Variants in REDIC1 observed in about 807,000 individuals in gnomAD.
The protein encoded by REDIC1 is regulator of DNA class I crossover intermediates 1, also known as HEI10 Interacting Protein 1.
At chr12:39,658,803 A>G in the REDIC1 span, among the ~76,000 whole-genome samples, 164 of 152,302 alleles carry the variant, frequency 1.1e-3, no homozygotes, top group Admixed American at 5.7e-3. Context: ...AAGTTATAGT[A>G]TCAAGTATAG....
the REDIC1 span, among the ~76,000 whole-genome samples, chr12:39,699,234 TGG>T: frequency 1.3e-5 from 2 of 152,180 alleles, no homozygotes; most frequent in Non-Finnish European, 2.9e-5. Flanking sequence ...CGCAGGTCAG[TGG>T]GTGTGCGCAC....
the REDIC1 span, among the ~76,000 whole-genome samples, chr12:39,626,543 C>G: frequency 6.6e-6 from 1 of 152,168 alleles, no homozygotes; most frequent in Non-Finnish European, 1.5e-5. Flanking sequence ...AAAAGTAACT[C>G]AGCTTCTCCC....
the REDIC1 span, among the ~76,000 whole-genome samples, chr12:39,712,590 C>T: frequency 1.4e-5 from 2 of 140,666 alleles, no homozygotes; most frequent in African/African-American, 5.2e-5. Flanking sequence ...TATGTATATA[C>T]GTATATACAT....
chr12:39,641,910 G>A, the REDIC1 span, among the ~76,000 whole-genome samples: 2 of 151,586 alleles, frequency 1.3e-5, no homozygotes, highest in Admixed American at 1.3e-4. Flanking sequence ...AGTCAACAAT[G>A]AACTTTATGC....
the REDIC1 span, among the ~76,000 whole-genome samples, chr12:39,695,872 C>G: frequency 1.3e-5 from 2 of 152,164 alleles, no homozygotes; most frequent in Non-Finnish European, 2.9e-5. Flanking sequence ...TGCTATGTCC[C>G]TCCACCCTTA....
At chr12:39,716,356 C>G in the REDIC1 span, among the ~76,000 whole-genome samples, 2 of 151,990 alleles carry the variant, frequency 1.3e-5, no homozygotes, top group Admixed American at 1.3e-4. Context: ...GCACAGTAAA[C>G]TTTCATTTAC....
At chr12:39,878,240 T>C in the REDIC1 span, among the ~76,000 whole-genome samples, 2 of 152,218 alleles carry the variant, frequency 1.3e-5, no homozygotes, top group African/African-American at 4.8e-5. Flanking sequence ...GGGTGAAGCA[T>C]TGCTATAAAA....
chr12:39,816,457 C>A, the REDIC1 span, among the ~76,000 whole-genome samples: 1 of 149,394 alleles, frequency 6.7e-6, no homozygotes, highest in East Asian at 2.0e-4. Flanking sequence ...GGAGGGATAG[C>A]ATTAGGAGAT....
chr12:39,829,191 A>G, the REDIC1 span, among the ~76,000 whole-genome samples: 1 of 151,918 alleles, frequency 6.6e-6, no homozygotes, highest in Non-Finnish European at 1.5e-5. Flanking sequence ...ATAAATCTGG[A>G]GAATATTTAT....
chr12:39,661,608 C>T, the REDIC1 span, among the ~76,000 whole-genome samples: 20 of 151,892 alleles, frequency 1.3e-4, no homozygotes, highest in Admixed American at 1.1e-3. Context: ...CAGGTTGTCT[C>T]TTCACTCTGA....
the REDIC1 span, among the ~76,000 whole-genome samples, chr12:39,751,723 T>C: frequency 2.6e-5 from 4 of 152,060 alleles, no homozygotes; most frequent in African/African-American, 9.7e-5. Context: ...TATGCAGCCA[T>C]AAAAAAGGAT....
At chr12:39,767,103 T>C in the REDIC1 span, among the ~76,000 whole-genome samples, 1 of 152,072 alleles carries the variant, frequency 6.6e-6, no homozygotes, top group Non-Finnish European at 1.5e-5. Context: ...GAGAAATCAC[T>C]ATCTATGGCA....
At chr12:39,777,707 G>A in the REDIC1 span, among the ~76,000 whole-genome samples, 1 of 152,204 alleles carries the variant, frequency 6.6e-6, no homozygotes, top group Non-Finnish European at 1.5e-5. Flanking sequence ...GCTGGCCGTC[G>A]AGAGGAACGC....
At chr12:39,695,324 C>T in the REDIC1 span, among the ~76,000 whole-genome samples, 1 of 152,158 alleles carries the variant, frequency 6.6e-6, no homozygotes, top group African/African-American at 2.4e-5. Context: ...GGACTTGGCT[C>T]TTGGATGGCA....
chr12:39,810,398 A>T, the REDIC1 span, among the ~76,000 whole-genome samples: 2 of 152,096 alleles, frequency 1.3e-5, no homozygotes, highest in South Asian at 4.1e-4. Context: ...ACATTCATTT[A>T]TTTATTCTCA....
At chr12:39,834,366 T>C in the REDIC1 span, among the ~76,000 whole-genome samples, 1 of 152,066 alleles carries the variant, frequency 6.6e-6, no homozygotes, top group Non-Finnish European at 1.5e-5. Context: ...CCTCTTTTCC[T>C]CCAGGCTCTG....
At chr12:39,682,635 TA>T in the REDIC1 span, 1 of 1,592,972 alleles carries the variant, frequency 6.3e-7, no homozygotes. Flanking sequence ...ATTTACTTAC[TA>T]AAAGCCCTGC....
the REDIC1 span, among the ~76,000 whole-genome samples, chr12:39,638,846 G>C: frequency 6.6e-6 from 1 of 151,970 alleles, no homozygotes; most frequent in Non-Finnish European, 1.5e-5. Flanking sequence ...TGGGCATTAA[G>C]TAGTATGTAG....
chr12:39,744,618 G>A, the REDIC1 span, among the ~76,000 whole-genome samples: 1 of 152,104 alleles, frequency 6.6e-6, no homozygotes, highest in Non-Finnish European at 1.5e-5. Context: ...AGTGGAATTG[G>A]ATTAGTAGTA....
Sources: allele counts gnomAD v4.1 joint callset (sites outside exome capture counted in the v4.1 genomes callset), GRCh38; gene constraint gnomAD v4.1.1; transcripts MANE v1.5; gene names NCBI Gene and HGNC (gene_info 2026-07-23, HGNC 2026-07-21).